Variants in DNAH10 observed in about 807,000 individuals in gnomAD.
The protein encoded by DNAH10 is dynein axonemal heavy chain 10, also known as axonemal beta dynein heavy chain 10.
A neutral mutation model predicts 506.6 loss-of-function variants in DNAH10; 348 were observed. That is an observed-to-expected ratio of 0.69 (90% CI 0.63 to 0.75). The LOEUF (loss-of-function observed/expected upper bound fraction) is 0.75, where lower values mean the gene tolerates loss of function less well. Among genes scored for constraint, DNAH10 ranks in the 30% least tolerant of loss-of-function variants. The pLI is 0.00. For missense variants in DNAH10, 5,179 were observed against 5,787.1 expected, an observed-to-expected ratio of 0.89 and a Z score of 3.41; for synonymous variants, 2,059 against 2,198.6, an observed-to-expected ratio of 0.94 and a Z score of 1.78.
chr12:123,791,128 C>T (rs950569660), intron 11 of DNAH10, among the ~76,000 whole-genome samples: 5 of 151,584 alleles, frequency 3.3e-5, no homozygotes, highest in African/African-American at 9.7e-5. Context: ...AAGACTCTGT[C>T]TCAAAAAAAA....
At position 123,785,820 on chromosome 12, in the gene DNAH10, G is replaced by A. The variant is rs779431805; in HGVS notation, c.1305G>A (p.Val435=). ...IPAMMSALRM[V]WIISRHYNKD... is the part of the protein sequence containing the mutation. ...CCATGATGAGTGCCCTGCGGATGGT[G>A]TGGATCATCTCCCGACACTACAACA... Residue 435 remains valine (V), a synonymous_variant, in exon 9 of 79, where the codon GTG becomes GTA. Coordinates refer to ENST00000673944, the MANE Select transcript of DNAH10 (RefSeq NM_001372106.1). This position sits in a 1 kb window ranked among gnomAD's most constrained non-coding sequence, Gnocchi z 4.1. 6.2e-7 allele frequency: 1 copy of A among 1,614,150 alleles called. No individual in the cohort carries two copies. The highest frequency in any genetic ancestry group is 1.1e-5 in the South Asian group (1 of 91,086).
rs1460088499 is a variant in DNAH10, at chr12:123,853,155, G to A, written c.6292-51G>A. The A allele has an allele frequency of 6.8e-7, 1 of 1,478,986 alleles. No homozygotes were observed. Among genetic ancestry groups the A allele is most frequent in the Admixed American group, 2.3e-5 (1 of 43,688 alleles). The allele number at this position is 1,478,986 out of a possible 1,614,324, so 91.6% of individuals were successfully genotyped here. On this transcript the variant is annotated intron_variant, in intron 35 of 78. Coordinates refer to ENST00000673944, the MANE Select transcript of DNAH10 (RefSeq NM_001372106.1). The surrounding 1 kb of genome is among the most constrained non-coding windows in gnomAD (Gnocchi z 4.7). ...TGTAGAATGATGCTCCATTGCTTTTGAATCATTTTCTTTTTTCTTTTTTTT... is the reference window on the plus strand; with the variant it reads ...TGTAGAATGATGCTCCATTGCTTTTAAATCATTTTCTTTTTTCTTTTTTTT...
At chr12:123,857,302 T>A in intron 37 of DNAH10, 55 bp downstream of exon 37, 1 of 1,438,002 alleles carries the variant, frequency 7.0e-7, no homozygotes, top group Non-Finnish European at 9.2e-7. Flanking sequence ...ATTGGCTTTT[T>A]GTTTTTGCAG....
At chr12:123,822,574 C>G (rs1959527973) in intron 24 of DNAH10, among the ~76,000 whole-genome samples, 1 of 152,118 alleles carries the variant, frequency 6.6e-6, no homozygotes, top group Non-Finnish European at 1.5e-5. Context: ...CTATCTGTAT[C>G]TAATCTACAT....
chr12:123,921,226 C>T (rs1039229068), intron 65 of DNAH10, among the ~76,000 whole-genome samples: 4 of 152,192 alleles, frequency 2.6e-5, no homozygotes, highest in Non-Finnish European at 5.9e-5. Context: ...TTAGGATTCC[C>T]CAGTGAAGAG....
chr12:123,824,051 C>T (rs1433656471), intron 24 of DNAH10, among the ~76,000 whole-genome samples: 1 of 152,120 alleles, frequency 6.6e-6, no homozygotes, highest in Non-Finnish European at 1.5e-5. Flanking sequence ...CTCAGTGACA[C>T]ACTGGGTGGC....
chr12:123,783,098 T>C lies in DNAH10; in HGVS notation c.842-9T>C. The C allele has an allele frequency of 6.2e-7, 1 of 1,613,656 alleles. No individual in the cohort carries two copies. Among genetic ancestry groups the C allele is most frequent in the South Asian group, 1.1e-5 (1 of 91,008 alleles). ...ACGAATGACTGACTGATCACTTTTA[T>C]TTTCCTAGGTGAGATCAAGTTAGAA... is the stretch of plus-strand genomic sequence containing the variant. On this transcript the variant is annotated splice_polypyrimidine_tract_variant and intron_variant, in intron 6 of 78. Coordinates refer to ENST00000673944, the MANE Select transcript of DNAH10 (RefSeq NM_001372106.1).
chr12:123,767,461 G>T, intron 1 of DNAH10, 145 bp from the exon 2 acceptor site: 1 of 702,764 alleles, frequency 1.4e-6, no homozygotes. Flanking sequence ...ATCCAGTAAG[G>T]AATACTGCTG....
At chr12:123,934,959 T>G (rs2137791699) in intron 78 of DNAH10, 193 bp downstream of exon 78, 1 of 719,096 alleles carries the variant, frequency 1.4e-6, no homozygotes, top group Non-Finnish European at 2.3e-6. Flanking sequence ...TGTATGTGTG[T>G]GTGGATGCCG....
intron 73 of DNAH10, among the ~76,000 whole-genome samples, chr12:123,931,082 G>A (rs1408365975): frequency 6.6e-6 from 1 of 152,096 alleles, no homozygotes; most frequent in East Asian, 1.9e-4. Context: ...GAGTGTGGTG[G>A]TGAATACCTG....
At chr12:123,793,251 C>T (rs1187841966) in intron 11 of DNAH10, among the ~76,000 whole-genome samples, 1 of 152,088 alleles carries the variant, frequency 6.6e-6, no homozygotes, top group East Asian at 1.9e-4. Flanking sequence ...AAATGCTAAG[C>T]CTTCTGGAGT....
chr12:123,911,152 A>G (rs1445003134), intron 59 of DNAH10, among the ~76,000 whole-genome samples: 1 of 142,732 alleles, frequency 7.0e-6, no homozygotes, highest in African/African-American at 2.7e-5. Flanking sequence ...AGCCTAGGTG[A>G]CAGAGTGAGA....
Position 123,845,807 on chromosome 12 carries a change from C to G in DNAH10, c.5568C>G (p.Tyr1856Ter). 1 of 1,614,038 alleles carries G rather than the reference C, an allele frequency of 6.2e-7. No individual in the cohort carries two copies. The highest frequency in any genetic ancestry group is 8.5e-7 in the Non-Finnish European group (1 of 1,179,898). The change falls in exon 31 of 79, where the codon TAC becomes TAG. Residue 1856 changes from tyrosine (Y) to a stop codon, truncating the protein, a stop_gained. Transcript: ENST00000673944. LOFTEE classifies it high-confidence loss of function. ...MPLSKNDRKK[Y>*]NTVLIIDVHA... ...TAAGCAAAAACGACAGGAAAAAATA[C>G]AACACTGTTCTCATCATTGATGTGC...
chr12:123,848,155 A>G (rs10846561), intron 33 of DNAH10, 60 bp downstream of exon 33: 780,762 of 1,557,352 alleles, frequency 0.5, 200,786 homozygotes, highest in Non-Finnish European at 0.53. Flanking sequence ...AAAGCAGGAC[A>G]TGGCATTTCA....
chr12:123,875,067 G>A (rs1301252791), intron 46 of DNAH10, among the ~76,000 whole-genome samples, 164 bp from the exon 47 acceptor site: 2 of 152,182 alleles, frequency 1.3e-5, no homozygotes, highest in African/African-American at 2.4e-5. Context: ...AATCACAAAT[G>A]GATATATACA....
chr12:123,779,474 A>G (rs894542211), intron 5 of DNAH10, among the ~76,000 whole-genome samples: 1 of 152,188 alleles, frequency 6.6e-6, no homozygotes, highest in East Asian at 1.9e-4. Context: ...CCTTCCCCAT[A>G]TGAAATGTAC....
intron 4 of DNAH10, among the ~76,000 whole-genome samples, chr12:123,773,805 G>C: frequency 6.6e-6 from 1 of 152,018 alleles, no homozygotes; most frequent in East Asian, 1.9e-4. Flanking sequence ...TGGATTTTGG[G>C]GTCATTCAGT....
rs573842910 is a variant in DNAH10, at chr12:123,862,930, T to C, written c.6909-1665T>C. Among the ~76,000 whole-genome samples the C allele has an allele frequency of 7.2e-5, 11 of 152,186 alleles. 1 individual carries two copies. The South Asian group carries it at 2.3e-3, about 32-fold the overall frequency. ...TCTCAAATGATTCAGAGAGAGAGAA[T>C]AAGAGAGAGTGCGAATGTGGCAAAA... On this transcript the variant is annotated intron_variant, in intron 39 of 78. Coordinates refer to ENST00000673944, the MANE Select transcript of DNAH10 (RefSeq NM_001372106.1).
chr12:123,934,898 T>G (rs1364607396), intron 78 of DNAH10, 132 bp downstream of exon 78: 2 of 1,246,570 alleles, frequency 1.6e-6, no homozygotes, highest in East Asian at 5.1e-5. Context: ...GGGGAGAGTC[T>G]TGGAGCCGTG....
Sources: gnomAD v4.1 joint callset for allele counts (sites outside exome capture counted in the v4.1 genomes callset) on GRCh38, gnomAD v4.1.1 for gene constraint, Gnocchi (gnomAD v3.1) non-coding constraint, MANE v1.5 for transcripts, NCBI Gene and HGNC (gene_info 2026-07-23, HGNC 2026-07-21) for gene names.